TLN2: variants seen among roughly 807,000 people sequenced by gnomAD.
The protein encoded by TLN2 is talin-2.
A neutral mutation model predicts 294.7 loss-of-function variants in TLN2; 118 were observed. The observed-to-expected ratio is 0.40, with a 90% CI of 0.34 to 0.47. The LOEUF (loss-of-function observed/expected upper bound fraction) is 0.47, where lower values mean the gene tolerates loss of function less well. TLN2 is among the 20% of genes least tolerant of loss of function. The pLI is 0.84. For missense variants in TLN2, 3,083 were observed against 3,282.2 expected, an observed-to-expected ratio of 0.94 and a Z score of 1.48; for synonymous variants, 1,431 against 1,304.5, an observed-to-expected ratio of 1.10 and a Z score of -2.09.
chr15:62,397,259 T>TA (rs1276110048), intron 1 of TLN2, among the ~76,000 whole-genome samples: 2 of 152,190 alleles, frequency 1.3e-5, no homozygotes, highest in African/African-American at 4.8e-5. Flanking sequence ...TTTTATTTTT[T>TA]ATCTGAATAA....
chr15:62,722,276 G>T, intron 25 of TLN2, 77 bp from the exon 26 acceptor site: 3 of 1,473,994 alleles, frequency 2.0e-6, no homozygotes, highest in Non-Finnish European at 2.7e-6. Flanking sequence ...CTGCTGTGGA[G>T]ACCTCGCTGC....
intron 1 of TLN2, among the ~76,000 whole-genome samples, chr15:62,579,244 T>C (rs1057444135): frequency 3.9e-5 from 6 of 152,158 alleles, no homozygotes; most frequent in African/African-American, 1.4e-4. Context: ...ATTTAGCTTT[T>C]GGAGAAATAC....
chr15:62,578,003 T>C (rs1322956997), intron 1 of TLN2, among the ~76,000 whole-genome samples: 2 of 152,192 alleles, frequency 1.3e-5, no homozygotes, highest in Admixed American at 1.3e-4. Flanking sequence ...TTCATCCATG[T>C]CCCTATAAAG....
intron 45 of TLN2, among the ~76,000 whole-genome samples, chr15:62,790,525 G>A (rs1419100064): frequency 1.3e-5 from 2 of 152,142 alleles, no homozygotes; most frequent in Non-Finnish European, 2.9e-5. Context: ...GGTTGAACTG[G>A]TAAGATCTTT....
chr15:62,562,534 T>C (rs1186147417), intron 1 of TLN2, among the ~76,000 whole-genome samples: 2 of 112,294 alleles, frequency 1.8e-5, no homozygotes, highest in African/African-American at 7.8e-5. Context: ...CTCCTCCATT[T>C]ATTTATTTAT....
intron 1 of TLN2, among the ~76,000 whole-genome samples, chr15:62,458,362 A>T (rs968762516): frequency 2.0e-5 from 3 of 152,088 alleles, no homozygotes; most frequent in African/African-American, 7.3e-5. Flanking sequence ...TCTCTTTCAC[A>T]TTGGCGACTT....
chr15:62,491,986 G>A (rs577913487), intron 1 of TLN2, among the ~76,000 whole-genome samples: 23 of 152,078 alleles, frequency 1.5e-4, no homozygotes, highest in Admixed American at 1.0e-3. Flanking sequence ...TAGTGGGGGC[G>A]TCTTTTTCTC....
At chr15:62,567,919 G>A (rs1193126206) in intron 1 of TLN2, among the ~76,000 whole-genome samples, 1 of 152,094 alleles carries the variant, frequency 6.6e-6, no homozygotes, top group Non-Finnish European at 1.5e-5. Flanking sequence ...GGCCAGGCAT[G>A]CTAAAGATGA....
chr15:62,551,548 A>ACACACACACACACACACACACAC (rs1567087965), intron 1 of TLN2, among the ~76,000 whole-genome samples: 1 of 148,878 alleles, frequency 6.7e-6, no homozygotes, highest in African/African-American at 2.5e-5. Flanking sequence ...ACACACACAC[A>ACACACACACACACACACACACAC]AATAGCCAGA....
intron 1 of TLN2, among the ~76,000 whole-genome samples, chr15:62,412,003 C>G (rs988464933): frequency 6.6e-6 from 1 of 152,110 alleles, no homozygotes; most frequent in African/African-American, 2.4e-5. Context: ...GCTGGGCATG[C>G]TCTGGCGTAT....
chr15:62,624,331 C>A (rs1176898117), intron 3 of TLN2, among the ~76,000 whole-genome samples: 2 of 152,182 alleles, frequency 1.3e-5, no homozygotes, highest in East Asian at 1.9e-4. Context: ...GTATTACTGC[C>A]AGAAGTTCCC....
chr15:62,543,144 T>A (rs1016957241), intron 1 of TLN2, among the ~76,000 whole-genome samples: 11 of 152,188 alleles, frequency 7.2e-5, no homozygotes, highest in Non-Finnish European at 1.5e-5. Flanking sequence ...TCTGTCTGGC[T>A]CCAGAGCCTT....
chr15:62,711,788 G>A lies in TLN2; in HGVS notation c.2468-123G>A, dbSNP rs1423912763. 8.3e-6 allele frequency: 9 copies of A among 1,084,940 alleles called. No homozygotes were observed. In the Admixed American group the frequency reaches 1.9e-4, roughly 23 times the overall value. 67.2% of individuals were successfully genotyped at this position (1,084,940 alleles called of 1,614,324 possible). A position where few individuals can be genotyped will look rare whatever the true frequency, so the allele number is the denominator to read the frequency against. ...GATGCATGGCTTAGGACTAGAGCAT[G>A]GAGGTTCAGTTTTTTTGCTCCTGCT... is the stretch of plus-strand genomic sequence containing the variant. On this transcript the variant is annotated intron_variant, in intron 21 of 58. Transcript: ENST00000636159.
rs923312149 is a variant in TLN2, at chr15:62,843,804, G to T, written c.*3194G>T. The T allele has an allele frequency of 6.6e-6, 1 of 152,222 alleles. No homozygotes were observed. Among genetic ancestry groups the T allele is most frequent in the Non-Finnish European group, 1.5e-5 (1 of 68,078 alleles). 9.4% of individuals were successfully genotyped at this position (152,222 alleles called of 1,614,324 possible). A position where few individuals can be genotyped will look rare whatever the true frequency, so the allele number is the denominator to read the frequency against. ...AGGAACCAGACACAGGTCAAAAGTGGTGAGCAAGCCATGGTCTCTGCTCCT... is the reference window on the plus strand; with the variant it reads ...AGGAACCAGACACAGGTCAAAAGTGTTGAGCAAGCCATGGTCTCTGCTCCT... On this transcript the variant is annotated 3_prime_UTR_variant, in exon 59 of 59. Transcript: ENST00000636159.
chr15:62,562,941 C>CACACAG (rs1567104659), intron 1 of TLN2, among the ~76,000 whole-genome samples: 2 of 149,214 alleles, frequency 1.3e-5, no homozygotes, highest in African/African-American at 5.0e-5. Context: ...CACACACACA[C>CACACAG]ACACACACAC....
At chr15:62,575,206 G>A (rs1567125664) in intron 1 of TLN2, among the ~76,000 whole-genome samples, 1 of 152,118 alleles carries the variant, frequency 6.6e-6, no homozygotes, top group Non-Finnish European at 1.5e-5. Context: ...CCAGCTACTT[G>A]GGAGGCTGAG....
At chr15:62,742,802 G>C (rs537019814) in intron 32 of TLN2, among the ~76,000 whole-genome samples, 1 of 152,210 alleles carries the variant, frequency 6.6e-6, no homozygotes, top group Admixed American at 6.5e-5. Context: ...TGGTTTTTTG[G>C]CACATTTTGG....
At chr15:62,467,010 C>T (rs1217478210) in intron 1 of TLN2, among the ~76,000 whole-genome samples, 1 of 152,192 alleles carries the variant, frequency 6.6e-6, no homozygotes, top group Non-Finnish European at 1.5e-5. Context: ...GTGAGCCTTG[C>T]CTCAAGCTTG....
rs2060014827 is a variant in TLN2 at position 62,719,834 on chromosome 15, T to G, written c.2945T>G (p.Leu982Arg). The change falls in exon 25 of 59, where the codon CTG (leucine) becomes CGG (arginine). Residue 982 changes from leucine (L) to arginine (R), a missense_variant. Leu to Arg is a moderately radical substitution (Grantham distance 102, BLOSUM62 -2). Coordinates refer to ENST00000636159, the MANE Select transcript of TLN2 (RefSeq NM_015059.3). ...GGGAGCCAAGCTCAAGCTGAAGACC[T>G]GAGTGCCCAGCTGGCTCTCATCATC... Reference protein sequence around the residue: ...VRGSQAQAEDLSAQLALIISS... With the variant: ...VRGSQAQAEDRSAQLALIISS... 1 of 1,612,556 alleles carries G rather than the reference T, an allele frequency of 6.2e-7. No individual in the cohort carries two copies. The highest frequency in any genetic ancestry group is 8.5e-7 in the Non-Finnish European group (1 of 1,179,278).
Sources: allele counts gnomAD v4.1 joint callset (sites outside exome capture counted in the v4.1 genomes callset), GRCh38; gene constraint gnomAD v4.1.1; transcripts MANE v1.5; gene names NCBI Gene and HGNC (gene_info 2026-07-23, HGNC 2026-07-21).